Variants in FHIT observed in about 807,000 individuals in gnomAD.
The protein encoded by FHIT is fragile histidine triad diadenosine triphosphatase.
Under a neutral mutation model 17.9 loss-of-function variants are expected in FHIT, and 19 were observed. That is an observed-to-expected ratio of 1.06 (90% CI 0.74 to 1.56). The LOEUF (loss-of-function observed/expected upper bound fraction) is 1.56. Among genes scored for constraint, FHIT ranks in the 40% most tolerant of loss-of-function variants. The pLI is 0.00. For missense variants in FHIT, 248 were observed against 189.2 expected, an observed-to-expected ratio of 1.31 and a Z score of -1.82; for synonymous variants, 81 against 69.7, an observed-to-expected ratio of 1.16 and a Z score of -0.81.
At chr3:60,901,742 A>C (rs1209561844) in intron 3 of FHIT, among the ~76,000 whole-genome samples, 1 of 152,130 alleles carries the variant, frequency 6.6e-6, no homozygotes, top group African/African-American at 2.4e-5. Flanking sequence ...CTAGAGAAAG[A>C]GATGGGATTT....
chr3:60,817,105 T>C (rs1701766896), intron 4 of FHIT, among the ~76,000 whole-genome samples: 1 of 152,074 alleles, frequency 6.6e-6, no homozygotes, highest in Non-Finnish European at 1.5e-5. Flanking sequence ...AATTTTATAC[T>C]ATCTCATATA....
chr3:60,323,786 C>T (rs1022690690), intron 5 of FHIT, among the ~76,000 whole-genome samples: 15 of 152,184 alleles, frequency 9.9e-5, no homozygotes, highest in African/African-American at 3.6e-4. Context: ...ACCCTGTTAA[C>T]CTTGAAACAA....
At chr3:60,121,719 CA>C in intron 5 of FHIT, among the ~76,000 whole-genome samples, 1 of 131,366 alleles carries the variant, frequency 7.6e-6, no homozygotes, top group East Asian at 5.6e-4. Flanking sequence ...AACACACACA[CA>C]CACACACACA....
At chr3:60,055,246 C>T (rs1308897385) in intron 5 of FHIT, among the ~76,000 whole-genome samples, 1 of 152,248 alleles carries the variant, frequency 6.6e-6, no homozygotes, top group East Asian at 1.9e-4. Flanking sequence ...TCATTGTCAA[C>T]TCCAGCTTGC....
intron 2 of FHIT, among the ~76,000 whole-genome samples, chr3:61,126,458 A>G (rs1214066748): frequency 6.6e-6 from 1 of 152,158 alleles, no homozygotes; most frequent in Non-Finnish European, 1.5e-5. Context: ...GAAGAGGCAC[A>G]TCTTACATGG....
chr3:60,730,844 C>A (rs1161915597), intron 4 of FHIT, among the ~76,000 whole-genome samples: 2 of 151,914 alleles, frequency 1.3e-5, no homozygotes, highest in Non-Finnish European at 2.9e-5. Context: ...AGGCCAAGTG[C>A]AGTGGCTCAC....
chr3:61,003,712 A>C (rs2107608572), intron 3 of FHIT, among the ~76,000 whole-genome samples: 1 of 152,396 alleles, frequency 6.6e-6, no homozygotes, highest in Admixed American at 6.5e-5. Context: ...AAAAGTCCAA[A>C]GAGAAGAAAA....
At chr3:59,768,901 TG>T (rs145539383) in intron 8 of FHIT, among the ~76,000 whole-genome samples, 3,835 of 152,352 alleles carry the variant, frequency 0.025, 180 homozygotes, top group African/African-American at 0.087. Flanking sequence ...AATCTTAAAA[TG>T]TAACTATATT....
At chr3:60,830,584 T>C (rs551816813) in intron 3 of FHIT, among the ~76,000 whole-genome samples, 2 of 152,328 alleles carry the variant, frequency 1.3e-5, no homozygotes, top group East Asian at 1.9e-4. Context: ...AGCTACTTTA[T>C]GACAAAATGG....
chr3:59,951,155 A>C lies in FHIT; in HGVS notation c.280-28741T>G, dbSNP rs556040282. ...TAGGAAGGTTAAGGGATTTTTCCAGAGGAGAGGTGGTAGCATCAGGTCACA... is the reference window on the plus strand; with the variant it reads ...TAGGAAGGTTAAGGGATTTTTCCAGCGGAGAGGTGGTAGCATCAGGTCACA... On this transcript the variant is annotated intron_variant, in intron 7 of 9. Coordinates refer to ENST00000492590, the MANE Select transcript of FHIT (RefSeq NM_002012.4). Among the ~76,000 whole-genome samples, 37 of 152,312 alleles carry C rather than the reference A, an allele frequency of 2.4e-4. 1 individual carries two copies. In the South Asian group the frequency reaches 6.8e-3, roughly 28 times the overall value.
intron 5 of FHIT, among the ~76,000 whole-genome samples, chr3:60,481,945 G>C (rs1034655291): frequency 6.6e-6 from 1 of 152,042 alleles, no homozygotes; most frequent in African/African-American, 2.4e-5. Flanking sequence ...CACACACAAA[G>C]ACACAAATAG....
chr3:60,064,692 C>T (rs1479004004), intron 5 of FHIT, among the ~76,000 whole-genome samples: 2 of 152,186 alleles, frequency 1.3e-5, no homozygotes, highest in African/African-American at 4.8e-5. Context: ...TGAAGGAGAA[C>T]AATGTGAGAC....
At chr3:60,028,653 C>T (rs751211964) in intron 5 of FHIT, among the ~76,000 whole-genome samples, 4 of 152,112 alleles carry the variant, frequency 2.6e-5, no homozygotes, top group Non-Finnish European at 5.9e-5. Flanking sequence ...AATGTGACAA[C>T]CCCAGAAGTG....
chr3:61,114,215 T>C (rs2036237190), intron 2 of FHIT, among the ~76,000 whole-genome samples: 1 of 152,194 alleles, frequency 6.6e-6, no homozygotes, highest in Non-Finnish European at 1.5e-5. Flanking sequence ...TGTTGGCCAG[T>C]GGAGCTACAG....
At chr3:60,290,111 T>C (rs866182029) in intron 5 of FHIT, among the ~76,000 whole-genome samples, 1 of 152,190 alleles carries the variant, frequency 6.6e-6, no homozygotes, top group Non-Finnish European at 1.5e-5. Context: ...TAACCTCTTA[T>C]GCTTCAGCAT....
intron 5 of FHIT, among the ~76,000 whole-genome samples, chr3:60,268,152 T>C (rs1706680687): frequency 6.6e-6 from 1 of 152,160 alleles, no homozygotes; most frequent in Non-Finnish European, 1.5e-5. Context: ...TTTCAGGCGT[T>C]AACACCCTAC....
At chr3:61,250,440 G>A (rs1262127380) in intron 1 of FHIT, among the ~76,000 whole-genome samples, 1 of 152,210 alleles carries the variant, frequency 6.6e-6, no homozygotes, top group African/African-American at 2.4e-5. Context: ...CAGTAAATCT[G>A]CAAGTGGTAA....
chr3:60,043,397 C>T (rs1402297276), intron 5 of FHIT, among the ~76,000 whole-genome samples: 1 of 152,192 alleles, frequency 6.6e-6, no homozygotes, highest in Non-Finnish European at 1.5e-5. Context: ...TTTTTTCTAG[C>T]ACCGTGCCAG....
At chr3:59,959,704 G>C (rs533498333) in intron 7 of FHIT, among the ~76,000 whole-genome samples, 16 of 152,306 alleles carry the variant, frequency 1.1e-4, no homozygotes, top group African/African-American at 3.6e-4. Context: ...TGGCCTCACA[G>C]TGTTCACAGT....
Sources: allele counts gnomAD v4.1 joint callset (sites outside exome capture counted in the v4.1 genomes callset), GRCh38; gene constraint gnomAD v4.1.1; transcripts MANE v1.5; gene names NCBI Gene and HGNC (gene_info 2026-07-23, HGNC 2026-07-21).